The following APBA2 variants were observed in gnomAD, a reference collection of about 807,000 sequenced individuals.
APBA2 encodes the protein amyloid beta precursor protein binding family A member 2, also known as amyloid-beta A4 precursor protein-binding family A member 2.
Under a neutral mutation model 75.0 loss-of-function variants are expected in APBA2, and 30 were observed. That is an observed-to-expected ratio of 0.40 (90% CI 0.30 to 0.54). APBA2 has a LOEUF of 0.54. Ranked by LOEUF, APBA2 falls within the 20% of genes least tolerant of loss-of-function variation. The pLI, the probability that APBA2 is intolerant of heterozygous loss-of-function variation, is 0.49. For synonymous variants in APBA2, 444 were observed against 409.6 expected (o/e 1.08, Z -1.01); for missense variants, 801 against 1,016.1 (o/e 0.79, Z 2.88).
At chr15:29,059,718 G>A (rs767471731) in intron 4 of APBA2, among the ~76,000 whole-genome samples, 13 of 152,100 alleles carry the variant, frequency 8.5e-5, no homozygotes, top group Admixed American at 4.6e-4. Flanking sequence ...ACCCTGTATC[G>A]CCCCTAGGAG....
At chr15:28,915,703 A>C (rs1223876759) in intron 1 of APBA2, among the ~76,000 whole-genome samples, 4 of 150,686 alleles carry the variant, frequency 2.7e-5, no homozygotes, top group Non-Finnish European at 5.9e-5. Context: ...CACCCCATAC[A>C]TACCATATAC....
chr15:29,065,341 C>T (rs1248991100), intron 4 of APBA2, among the ~76,000 whole-genome samples: 6 of 152,130 alleles, frequency 3.9e-5, no homozygotes, highest in African/African-American at 9.7e-5. Flanking sequence ...TGGCTGAACA[C>T]GCTGAGATGC....
chr15:29,075,201 G>T (rs2042797215), intron 5 of APBA2, among the ~76,000 whole-genome samples, 200 bp downstream of exon 5: 1 of 152,158 alleles, frequency 6.6e-6, no homozygotes, highest in South Asian at 2.1e-4. Flanking sequence ...GAGGAGGGAG[G>T]AGAGGGCCTC....
At chr15:28,897,551 G>C (rs1233032734) in intron 1 of APBA2, among the ~76,000 whole-genome samples, 1 of 148,532 alleles carries the variant, frequency 6.7e-6, no homozygotes, top group Non-Finnish European at 1.5e-5. Context: ...CCGGGAGGTG[G>C]AGGTTGCAGT....
In APBA2 at chr15:29,054,508, C is replaced by T. The variant is rs1333110909; in HGVS notation, c.624C>T (p.Ser208=). ...PEEANGNTGA[S]PYRLRRGDGD... is the part of the protein sequence containing the mutation. ...AGGCCAACGGGAACACCGGCGCCTC[C>T]CCCTACCGCCTGAGGCGTGGGGATG... is the stretch of plus-strand genomic sequence containing the variant. The change falls in exon 4 of 15, where the codon TCC becomes TCT. Residue 208 remains serine (S), a synonymous_variant. Coordinates refer to ENST00000683413, the MANE Select transcript of APBA2 (RefSeq NM_001353788.2). The surrounding 1 kb of genome is among the most constrained non-coding windows in gnomAD (Gnocchi z 6.1). 3.7e-6 allele frequency: 6 copies of T among 1,613,426 alleles called. No homozygotes were observed. Among genetic ancestry groups the T allele is most frequent in the Non-Finnish European group, 4.2e-6 (5 of 1,179,780 alleles).
chr15:28,941,882 G>A (rs1338704506), intron 2 of APBA2, among the ~76,000 whole-genome samples: 3 of 152,098 alleles, frequency 2.0e-5, no homozygotes, highest in Admixed American at 1.3e-4. Context: ...TCAGCCTCCC[G>A]AGTAGCTGGG....
At chr15:29,086,709 A>G (rs902053050) in intron 6 of APBA2, among the ~76,000 whole-genome samples, 2 of 152,260 alleles carry the variant, frequency 1.3e-5, no homozygotes, top group Non-Finnish European at 2.9e-5. Flanking sequence ...AGGGATGTAC[A>G]GTCAGACAAC....
rs569386812 is a variant in APBA2 at position 28,930,850 on chromosome 15, T to C, written c.-95+9101T>C. Among the ~76,000 whole-genome samples, 5 of 152,274 alleles carry C rather than the reference T, an allele frequency of 3.3e-5. No homozygotes were observed. The East Asian group carries it at 9.7e-4, about 29-fold the overall frequency. The stretch of plus-strand genomic sequence containing the variant: ...CTCTCCCTATCCTCCACCATGCCCC[T>C]CGGGAGTGCTCCTGGGCTGTTCCTT... On this transcript the variant is annotated intron_variant, in intron 2 of 14. Transcript: ENST00000683413.
At chr15:28,989,940 G>T (rs192079133) in intron 2 of APBA2, among the ~76,000 whole-genome samples, 28 of 152,280 alleles carry the variant, frequency 1.8e-4, no homozygotes, top group African/African-American at 6.3e-4. Context: ...ATTTCTCAAA[G>T]CCAGGAAGGA....
chr15:29,049,953 T>C (rs952345580), intron 3 of APBA2, among the ~76,000 whole-genome samples: 5 of 151,990 alleles, frequency 3.3e-5, no homozygotes, highest in Admixed American at 6.6e-5. Context: ...AAAAAAGAAA[T>C]AGCAAGAATC....
intron 2 of APBA2, among the ~76,000 whole-genome samples, chr15:28,943,832 G>GC (rs1189317019): frequency 2.0e-5 from 3 of 152,122 alleles, no homozygotes; most frequent in Admixed American, 6.5e-5. Context: ...AGACCCAAAG[G>GC]CCCATGGGCC....
chr15:29,063,389 T>G (rs374393157), intron 4 of APBA2, among the ~76,000 whole-genome samples: 1,651 of 45,278 alleles, frequency 0.036, no homozygotes, highest in African/African-American at 0.11. Context: ...GTATGGGTGG[T>G]GCGGGGAGTT....
At chr15:28,894,173 A>G (rs35907301) in intron 1 of APBA2, 68,709 of 152,120 alleles carry the variant, frequency 0.45, 18,942 homozygotes, top group African/African-American at 0.78. Context: ...TTGACACTCA[A>G]GGACTCTGCA....
intron 2 of APBA2, among the ~76,000 whole-genome samples, chr15:28,961,840 AT>A (rs986780153): frequency 6.6e-6 from 1 of 152,132 alleles, no homozygotes; most frequent in African/African-American, 2.4e-5. Flanking sequence ...GGACGTTAGT[AT>A]TTTTAAGCAT....
At chr15:28,888,698 G>T (rs540272148) in intron 1 of APBA2, among the ~76,000 whole-genome samples, 1 of 152,292 alleles carries the variant, frequency 6.6e-6, no homozygotes, top group South Asian at 2.1e-4. Flanking sequence ...GCCCTGCCTT[G>T]CAGCCTGGTC....
At chr15:29,081,115 G>T (rs1177152677) in intron 6 of APBA2, among the ~76,000 whole-genome samples, 1 of 152,196 alleles carries the variant, frequency 6.6e-6, no homozygotes, top group African/African-American at 2.4e-5. Context: ...GGTCCTCACA[G>T]TGGTAAAGCT....
chr15:29,064,706 G>T (rs1056870195), intron 4 of APBA2, among the ~76,000 whole-genome samples: 5 of 152,164 alleles, frequency 3.3e-5, no homozygotes, highest in Admixed American at 6.5e-5. Flanking sequence ...GACATGGGTT[G>T]GGGGATGGTG....
At chr15:29,009,250 C>T (rs1252650479) in intron 3 of APBA2, among the ~76,000 whole-genome samples, 1 of 152,124 alleles carries the variant, frequency 6.6e-6, no homozygotes, top group Non-Finnish European at 1.5e-5. Context: ...GCACATTGCA[C>T]CCCCTCCCCT....
rs2034433874 is a variant in APBA2, at chr15:28,929,162, A to G, written c.-95+7413A>G. Among the ~76,000 whole-genome samples the G allele has an allele frequency of 3.3e-5, 5 of 152,224 alleles. No individual in the cohort carries two copies. The South Asian group carries it at 1.0e-3, about 32-fold the overall frequency. On this transcript the variant is annotated intron_variant, in intron 2 of 14. Coordinates refer to ENST00000683413, the MANE Select transcript of APBA2 (RefSeq NM_001353788.2). ...TGATTTTCCTGTTACCCTAACCGGG[A>G]ATCATGTTTGTTATTTGATGGTTTA...
Sources: allele counts gnomAD v4.1 joint callset (sites outside exome capture counted in the v4.1 genomes callset), GRCh38; gene constraint gnomAD v4.1.1; non-coding constraint Gnocchi (gnomAD v3.1); transcripts MANE v1.5; gene names NCBI Gene and HGNC (gene_info 2026-07-23, HGNC 2026-07-21).